The following GRM3 variants were observed in gnomAD, a reference collection of about 807,000 sequenced individuals.
GRM3 encodes metabotropic glutamate receptor 3.
GRM3 carries 26 observed loss-of-function variants against 70.5 expected under a neutral mutation model. The observed-to-expected ratio is 0.37, with a 90% CI of 0.27 to 0.51. GRM3 has a LOEUF of 0.51. Among genes scored for constraint, GRM3 ranks in the 20% least tolerant of loss-of-function variants. GRM3 has a pLI of 0.93. For missense variants in GRM3, 859 were observed against 1,123.8 expected, an observed-to-expected ratio of 0.76 and a Z score of 3.37; for synonymous variants, 443 against 434.9, an observed-to-expected ratio of 1.02 and a Z score of -0.23.
rs907257895 is a variant in GRM3 at position 86,819,946 on chromosome 7, A to G, written c.1325-18893A>G. On this transcript the variant is annotated intron_variant, in intron 3 of 5. Coordinates refer to ENST00000361669, the MANE Select transcript of GRM3 (RefSeq NM_000840.3). ...GGGGAAGACTCCGTGCTACCCTCGA[A>G]TATATCCTTTCTACCTTTCCAAAAA... Among the ~76,000 whole-genome samples, 11 of 152,298 alleles carry G rather than the reference A, an allele frequency of 7.2e-5. No individual in the cohort carries two copies. The East Asian group carries it at 1.7e-3, about 24-fold the overall frequency.
intron 1 of GRM3, among the ~76,000 whole-genome samples, chr7:86,678,217 T>C (rs921268235): frequency 6.6e-6 from 1 of 152,008 alleles, no homozygotes; most frequent in Non-Finnish European, 1.5e-5. Context: ...TTTCAAATTT[T>C]CTTTAGTAAA....
chr7:86,774,198 T>C (rs553007911), intron 2 of GRM3, among the ~76,000 whole-genome samples: 7 of 152,134 alleles, frequency 4.6e-5, no homozygotes, highest in Non-Finnish European at 1.0e-4. Context: ...AATTTCAGTA[T>C]TTCAATATGG....
intron 1 of GRM3, among the ~76,000 whole-genome samples, chr7:86,646,354 C>G (rs553448029): frequency 6.6e-6 from 1 of 152,056 alleles, no homozygotes; most frequent in Non-Finnish European, 1.5e-5. Context: ...TTTCTTACAC[C>G]TGTAGACTTT....
intron 5 of GRM3, among the ~76,000 whole-genome samples, chr7:86,863,496 A>G (rs1362237563): frequency 6.6e-6 from 1 of 152,134 alleles, no homozygotes; most frequent in Non-Finnish European, 1.5e-5. Context: ...TGTTGTCACT[A>G]TTTGTCATTA....
chr7:86,842,993 A>G (rs1000667293), intron 4 of GRM3, among the ~76,000 whole-genome samples: 2 of 152,146 alleles, frequency 1.3e-5, no homozygotes, highest in Non-Finnish European at 2.9e-5. Flanking sequence ...AGAACCAACC[A>G]GAAGGAAGCC....
chr7:86,809,176 A>G (rs1040509067), intron 3 of GRM3, among the ~76,000 whole-genome samples: 3 of 152,138 alleles, frequency 2.0e-5, no homozygotes, highest in African/African-American at 7.2e-5. Flanking sequence ...CCATTCAACT[A>G]GAACGAGAAT....
At chr7:86,780,962 T>G (rs1443206787) in intron 2 of GRM3, among the ~76,000 whole-genome samples, 1 of 152,180 alleles carries the variant, frequency 6.6e-6, no homozygotes, top group Non-Finnish European at 1.5e-5. Flanking sequence ...AGGAATCCAT[T>G]ACGAGCTTGG....
In GRM3 at chr7:86,767,212, CA is replaced by C. The variant is rs879936515; in HGVS notation, c.468+1610del. ...GGAGCAACTGAGCAAGACTTCATCT[CA>C]AAAAAAAAAATGTAAATAATGATAA... is the stretch of plus-strand genomic sequence containing the variant. On this transcript the variant is annotated intron_variant, in intron 2 of 5. Coordinates refer to ENST00000361669, the MANE Select transcript of GRM3 (RefSeq NM_000840.3). 4.7e-3 allele frequency among the ~76,000 whole-genome samples: 657 copies of C among 139,848 alleles called. 6 individuals carry two copies. Among genetic ancestry groups the C allele is most frequent in the Non-Finnish European group, 6.0e-3 (385 of 64,056 alleles). The allele number at this position is 139,848 out of a possible 152,430, so 91.7% of individuals were successfully genotyped here.
chr7:86,664,868 A>AG (rs1303817841), intron 1 of GRM3, among the ~76,000 whole-genome samples: 1 of 151,996 alleles, frequency 6.6e-6, no homozygotes, highest in Non-Finnish European at 1.5e-5. Flanking sequence ...CCCAGGCCTA[A>AG]GGGGTAGTGA....
At chr7:86,715,324 T>C (rs1456140315) in intron 1 of GRM3, among the ~76,000 whole-genome samples, 9 of 152,064 alleles carry the variant, frequency 5.9e-5, no homozygotes. Context: ...AAAGATGGAC[T>C]TTAACATAAG....
intron 1 of GRM3, among the ~76,000 whole-genome samples, chr7:86,747,070 G>A (rs1229920532): frequency 6.6e-6 from 1 of 152,086 alleles, no homozygotes; most frequent in Non-Finnish European, 1.5e-5. Flanking sequence ...ACTCATAGGA[G>A]TTGGAAGAGA....
chr7:86,757,988 A>G (rs1192580454), intron 1 of GRM3, among the ~76,000 whole-genome samples: 4 of 152,086 alleles, frequency 2.6e-5, no homozygotes, highest in Non-Finnish European at 5.9e-5. Context: ...TGTTTTGTAG[A>G]CTTGTTGGAG....
intron 1 of GRM3, among the ~76,000 whole-genome samples, chr7:86,708,214 G>T (rs949785606): frequency 6.6e-6 from 1 of 152,058 alleles, no homozygotes; most frequent in Non-Finnish European, 1.5e-5. Flanking sequence ...AGCACCATAA[G>T]CCCCCTTCTT....
intron 3 of GRM3, among the ~76,000 whole-genome samples, chr7:86,831,793 T>TTA (rs367612704): frequency 1.7e-4 from 19 of 113,970 alleles, no homozygotes; most frequent in Non-Finnish European, 2.8e-4. Context: ...ATAGCACCGT[T>TTA]AAAAAAAAAA....
intron 1 of GRM3, among the ~76,000 whole-genome samples, chr7:86,764,084 G>T (rs954691891): frequency 6.6e-6 from 1 of 152,096 alleles, no homozygotes; most frequent in Non-Finnish European, 1.5e-5. Context: ...AAACAGAGAA[G>T]ATCCATTCAT....
rs2116540323 is a variant in GRM3, at chr7:86,786,277, G to A, written c.485G>A (p.Arg162Gln). Residue 162 changes from arginine (R) to glutamine (Q), a missense_variant, in exon 3 of 6, where the codon CGG (arginine) becomes CAG (glutamine). Coordinates refer to ENST00000361669, the MANE Select transcript of GRM3 (RefSeq NM_000840.3). This position sits in a 1 kb window ranked among gnomAD's most constrained non-coding sequence, Gnocchi z 6.0. ...CTCCCCTAGGTGGCAAACCTGCTGC[G>A]GCTCTTCCAGATCCCTCAGATCAGC... is the stretch of plus-strand genomic sequence containing the variant. ...SVSIQVANLLRLFQIPQISYA... is the reference protein window; with the variant it reads ...SVSIQVANLLQLFQIPQISYA... The A allele has an allele frequency of 3.1e-6, 5 of 1,612,524 alleles. No homozygotes were observed. The highest frequency in any genetic ancestry group is 3.4e-6 in the Non-Finnish European group (4 of 1,178,954).
At chr7:86,797,078 T>G (rs1295585213) in intron 3 of GRM3, among the ~76,000 whole-genome samples, 2 of 152,182 alleles carry the variant, frequency 1.3e-5, no homozygotes, top group Admixed American at 1.3e-4. Flanking sequence ...AATTACCCAG[T>G]CTCAGGTATG....
chr7:86,836,831 A>G (rs1798466254), intron 3 of GRM3, among the ~76,000 whole-genome samples: 2 of 152,182 alleles, frequency 1.3e-5, no homozygotes, highest in Non-Finnish European at 2.9e-5. Context: ...CCAATTTGCA[A>G]ATTAGGAAAC....
At position 86,787,049 on chromosome 7, in the gene GRM3, T is replaced by A; in HGVS notation, c.1257T>A (p.Cys419Ter). 6.2e-7 allele frequency: 1 copy of A among 1,613,344 alleles called. No homozygotes were observed. The highest frequency in any genetic ancestry group is 8.5e-7 in the Non-Finnish European group (1 of 1,179,596). ...TCTGTCCCAACACTACCAAGCTTTG[T>A]GATGCTATGAAGATCCTGGATGGGA... ...RTLCPNTTKL[C>*]DAMKILDGKK... Residue 419 changes from cysteine (C) to a stop codon, truncating the protein, a stop_gained, in exon 3 of 6, where the codon TGT becomes TGA. Coordinates refer to ENST00000361669, the MANE Select transcript of GRM3 (RefSeq NM_000840.3). LOFTEE classifies it high-confidence loss of function.
Sources: gnomAD v4.1 joint callset for allele counts (sites outside exome capture counted in the v4.1 genomes callset) on GRCh38, gnomAD v4.1.1 for gene constraint, Gnocchi (gnomAD v3.1) non-coding constraint, MANE v1.5 for transcripts, NCBI Gene and HGNC (gene_info 2026-07-23, HGNC 2026-07-21) for gene names.